Variants in ERC2 observed in about 807,000 individuals in gnomAD.
ERC2 encodes ELKS/RAB6-interacting/CAST family member 2.
ERC2 carries 42 observed loss-of-function variants against 114.8 expected under a neutral mutation model. The observed-to-expected ratio is 0.37, with a 90% CI of 0.29 to 0.47. The LOEUF (loss-of-function observed/expected upper bound fraction) is 0.47. Ranked by LOEUF, ERC2 falls within the 20% of genes least tolerant of loss-of-function variation. The pLI is 0.99. For synonymous variants in ERC2, 454 were observed against 425.5 expected, an observed-to-expected ratio of 1.07 and a Z score of -0.82; for missense variants, 939 against 1,150.7, an observed-to-expected ratio of 0.82 and a Z score of 2.66.
intron 17 of ERC2, among the ~76,000 whole-genome samples, chr3:55,656,277 T>G (rs1001533468): frequency 7.2e-5 from 11 of 152,314 alleles, no homozygotes; most frequent in South Asian, 2.1e-4. Flanking sequence ...TAGCTTGGAC[T>G]ACAGGAGTAC....
At position 55,833,869 on chromosome 3, in the gene ERC2, C is replaced by A. The variant is rs528019861; in HGVS notation, c.2564+54520G>T. Reference sequence around the variant, plus strand: ...TCTGCTGTATTCAGGAAATCCATCTCATGTGCAGAGACACACATAGGCTCA... The same window carrying A: ...TCTGCTGTATTCAGGAAATCCATCTAATGTGCAGAGACACACATAGGCTCA... On this transcript the variant is annotated intron_variant, in intron 14 of 17. Coordinates refer to ENST00000288221, the MANE Select transcript of ERC2 (RefSeq NM_015576.3). Among the ~76,000 whole-genome samples, 264 of 152,262 alleles carry A rather than the reference C, an allele frequency of 1.7e-3. 3 individuals carry two copies. Among genetic ancestry groups the A allele is most frequent in the African/African-American group, 6.0e-3 (250 of 41,546 alleles).
intron 17 of ERC2, among the ~76,000 whole-genome samples, chr3:55,643,006 G>A (rs964767824): frequency 2.6e-5 from 4 of 152,118 alleles, no homozygotes; most frequent in South Asian, 2.1e-4. Context: ...AATATAGCAC[G>A]GAAATTTACT....
At chr3:56,094,570 G>C (rs540483101) in intron 6 of ERC2, among the ~76,000 whole-genome samples, 1 of 152,278 alleles carries the variant, frequency 6.6e-6, no homozygotes, top group South Asian at 2.1e-4. Flanking sequence ...AAATAAAATT[G>C]AGATAAAATT....
intron 17 of ERC2, among the ~76,000 whole-genome samples, chr3:55,552,692 T>A (rs11705697): frequency 0.32 from 48,158 of 150,970 alleles, 7,671 homozygotes; most frequent in South Asian, 0.47. Context: ...CTGTTAGCAT[T>A]TATATCTTAC....
At chr3:56,026,115 G>T (rs1025546970) in intron 7 of ERC2, among the ~76,000 whole-genome samples, 2 of 142,626 alleles carry the variant, frequency 1.4e-5, no homozygotes, top group Non-Finnish European at 3.0e-5. Flanking sequence ...GCCCAGGCTG[G>T]AGTGCAATGG....
intron 6 of ERC2, among the ~76,000 whole-genome samples, chr3:56,133,257 G>A (rs1310242722): frequency 1.3e-5 from 2 of 152,068 alleles, no homozygotes; most frequent in Non-Finnish European, 2.9e-5. Context: ...GGGCAACATG[G>A]CAAAACCCTG....
intron 7 of ERC2, among the ~76,000 whole-genome samples, chr3:56,043,214 T>A (rs2075286662): frequency 6.6e-6 from 1 of 152,150 alleles, no homozygotes; most frequent in African/African-American, 2.4e-5. Context: ...TGAAGACCTA[T>A]CAAATTTAGT....
intron 3 of ERC2, among the ~76,000 whole-genome samples, chr3:56,233,262 T>A (rs182907827): frequency 6.4e-4 from 98 of 152,362 alleles, no homozygotes; most frequent in African/African-American, 2.3e-3. Flanking sequence ...ACCATTGTAT[T>A]AATTTCCTAT....
chr3:56,079,674 ATCCTG>A (rs2077137062), intron 7 of ERC2, among the ~76,000 whole-genome samples: 8 of 152,148 alleles, frequency 5.3e-5, no homozygotes, highest in Admixed American at 5.2e-4. Context: ...TACGGTTACC[ATCCTG>A]AAATTCTCAA....
intron 17 of ERC2, among the ~76,000 whole-genome samples, chr3:55,590,932 G>A (rs1412238755): frequency 6.6e-6 from 1 of 152,058 alleles, no homozygotes; most frequent in Non-Finnish European, 1.5e-5. Context: ...GGGTTCAAGC[G>A]ATTCTCATGC....
intron 3 of ERC2, among the ~76,000 whole-genome samples, chr3:56,181,172 T>G (rs1362678342): frequency 6.6e-6 from 1 of 152,244 alleles, no homozygotes; most frequent in Non-Finnish European, 1.5e-5. Flanking sequence ...AATAAACCTC[T>G]CAGTACATGG....
At chr3:56,194,476 G>A (rs2047976910) in intron 3 of ERC2, among the ~76,000 whole-genome samples, 1 of 151,980 alleles carries the variant, frequency 6.6e-6, no homozygotes, top group South Asian at 2.1e-4. Context: ...GAAAGCCAAA[G>A]GCATAAAAGA....
At chr3:55,880,609 T>A (rs767658073) in intron 14 of ERC2, among the ~76,000 whole-genome samples, 1 of 152,128 alleles carries the variant, frequency 6.6e-6, no homozygotes, top group Non-Finnish European at 1.5e-5. Context: ...AAAGCTGCAA[T>A]AGGCTTTATC....
chr3:55,933,323 A>G (rs2066239577), intron 13 of ERC2, among the ~76,000 whole-genome samples: 1 of 152,190 alleles, frequency 6.6e-6, no homozygotes, highest in South Asian at 2.1e-4. Context: ...AACCAAAGAA[A>G]AGAATCTTAA....
intron 17 of ERC2, among the ~76,000 whole-genome samples, chr3:55,601,934 C>T (rs561098489): frequency 6.6e-6 from 1 of 152,304 alleles, no homozygotes; most frequent in African/African-American, 2.4e-5. Flanking sequence ...TTTTTAATAA[C>T]CAGCATCCAC....
intron 17 of ERC2, among the ~76,000 whole-genome samples, chr3:55,593,584 C>A (rs1437358213): frequency 1.3e-5 from 2 of 152,182 alleles, no homozygotes; most frequent in Admixed American, 1.3e-4. Flanking sequence ...AAGAGAAAGT[C>A]AAGTCCATTT....
At chr3:55,918,525 C>T (rs768902589) in intron 13 of ERC2, among the ~76,000 whole-genome samples, 2 of 152,042 alleles carry the variant, frequency 1.3e-5, no homozygotes, top group Non-Finnish European at 2.9e-5. Context: ...GTTTTTTCAG[C>T]TTTTCATTCC....
chr3:55,688,645 G>A lies in ERC2; in HGVS notation c.2848-4786C>T, dbSNP rs908224671. Reference sequence around the variant, plus strand: ...TTTAGTTGGGTCCCTCTGGCTCTTGGAAGAAAGGGGTCTTCATATGCAAGT... The same window carrying A: ...TTTAGTTGGGTCCCTCTGGCTCTTGAAAGAAAGGGGTCTTCATATGCAAGT... On this transcript the variant is annotated intron_variant, in intron 16 of 17. Coordinates refer to ENST00000288221, the MANE Select transcript of ERC2 (RefSeq NM_015576.3). Among the ~76,000 whole-genome samples, 5 of 152,286 alleles carry A rather than the reference G, an allele frequency of 3.3e-5. No homozygotes were observed. In the East Asian group the frequency reaches 5.8e-4, roughly 18 times the overall value.
intron 3 of ERC2, among the ~76,000 whole-genome samples, chr3:56,289,992 TG>T (rs1246062053): frequency 6.6e-6 from 1 of 152,222 alleles, no homozygotes; most frequent in Non-Finnish European, 1.5e-5. Flanking sequence ...GGACAATACT[TG>T]ATAATTATGA....
Sources: gnomAD v4.1 joint callset for allele counts (sites outside exome capture counted in the v4.1 genomes callset) on GRCh38, gnomAD v4.1.1 for gene constraint, MANE v1.5 for transcripts, NCBI Gene and HGNC (gene_info 2026-07-23, HGNC 2026-07-21) for gene names.